The following DNAH11 variants were observed in gnomAD, a reference collection of about 807,000 sequenced individuals.
DNAH11 encodes the protein dynein axonemal heavy chain 11.
A neutral mutation model predicts 526.0 loss-of-function variants in DNAH11; 442 were observed. The observed-to-expected ratio is 0.84, with a 90% confidence interval of 0.78 to 0.91. The LOEUF is 0.91. Among genes scored for constraint, DNAH11 ranks in the 40% least tolerant of loss-of-function variants. DNAH11 has a pLI of 0.00. For missense variants in DNAH11, 6,989 were observed against 5,448.7 expected (o/e 1.28, Z -8.90); for synonymous variants, 2,461 against 1,935.9 (o/e 1.27, Z -7.12).
chr7:21,544,764 C>T lies in DNAH11; in HGVS notation c.352-242C>T, dbSNP rs73682613. Among the ~76,000 whole-genome samples the T allele has an allele frequency of 0.018, 2,707 of 151,994 alleles. 76 individuals carry two copies. The highest frequency in any genetic ancestry group is 0.06 in the African/African-American group (2,500 of 41,428). ...GTGTATAATGAACTGGTATAATTGG[C>T]ATGCCTTTAAAAGGTGATATTTCCA... is the stretch of plus-strand genomic sequence containing the variant. On this transcript the variant is annotated intron_variant, in intron 1 of 81. Transcript: ENST00000409508.
chr7:21,652,851 A>G (rs1056255498), intron 28 of DNAH11, among the ~76,000 whole-genome samples: 1 of 151,492 alleles, frequency 6.6e-6, no homozygotes, highest in Non-Finnish European at 1.5e-5. Flanking sequence ...GGGCCTACGA[A>G]GTATTAGTTT....
At chr7:21,846,611 A>G (rs908406356) in intron 66 of DNAH11, among the ~76,000 whole-genome samples, 5 of 152,040 alleles carry the variant, frequency 3.3e-5, no homozygotes, top group African/African-American at 1.2e-4. Flanking sequence ...TTGATTTGCT[A>G]ATTTTTTGAG....
At chr7:21,766,362 C>T (rs546590365) in intron 55 of DNAH11, among the ~76,000 whole-genome samples, 12 of 152,272 alleles carry the variant, frequency 7.9e-5, no homozygotes, top group African/African-American at 2.9e-4. Flanking sequence ...TGATTGTGGA[C>T]ATTTCCCAGG....
chr7:21,614,806 C>T (rs948772892), intron 20 of DNAH11, among the ~76,000 whole-genome samples: 7 of 152,108 alleles, frequency 4.6e-5, no homozygotes, highest in Non-Finnish European at 1.0e-4. Context: ...AATTCCCCAG[C>T]TCTCGGTACA....
At chr7:21,761,481 G>A (rs1052746537) in intron 54 of DNAH11, among the ~76,000 whole-genome samples, 9 of 152,252 alleles carry the variant, frequency 5.9e-5, no homozygotes, top group Non-Finnish European at 8.8e-5. Context: ...AAAAACATTA[G>A]AAAAGTCTAT....
At chr7:21,849,688 C>G (rs548488506) in intron 66 of DNAH11, among the ~76,000 whole-genome samples, 33 of 152,228 alleles carry the variant, frequency 2.2e-4, no homozygotes, top group African/African-American at 7.7e-4. Flanking sequence ...TAATTGTTAT[C>G]CTTGTTCCTT....
chr7:21,742,915 A>G (rs2128491159), intron 49 of DNAH11, among the ~76,000 whole-genome samples: 1 of 152,280 alleles, frequency 6.6e-6, no homozygotes, highest in South Asian at 2.1e-4. Context: ...TGATTAAGGC[A>G]CTGGCAGATT....
chr7:21,748,514 A>G, intron 51 of DNAH11, 66 bp from the exon 52 acceptor site: 4 of 1,315,704 alleles, frequency 3.0e-6, no homozygotes, highest in Non-Finnish European at 3.9e-6. Flanking sequence ...AATAAAAATA[A>G]ACAGAACAGA....
At position 21,711,977 on chromosome 7, in the gene DNAH11, T is replaced by C. The variant is rs1784480880; in HGVS notation, c.6983+117T>C. On this transcript the variant is annotated intron_variant, in intron 42 of 81. Transcript: ENST00000409508. ...TGCACAGCTGTCACCACCATCCATC[T>C]CTGGAAGGATTTTATCTTCCCAAAG... is the stretch of plus-strand genomic sequence containing the variant. 6 of 1,215,366 alleles carry C rather than the reference T, an allele frequency of 4.9e-6. No individual in the cohort carries two copies. In the South Asian group the frequency reaches 8.9e-5, roughly 18 times the overall value. The allele number at this position is 1,215,366 out of a possible 1,614,324, so 75.3% of individuals were successfully genotyped here.
chr7:21,730,218 A>C (rs996746974), intron 45 of DNAH11, among the ~76,000 whole-genome samples: 2 of 152,348 alleles, frequency 1.3e-5, no homozygotes, highest in East Asian at 1.9e-4. Flanking sequence ...CAAGATATGG[A>C]GTTAACCTAA....
At chr7:21,576,103 A>G (rs1784085835) in intron 8 of DNAH11, among the ~76,000 whole-genome samples, 1 of 152,090 alleles carries the variant, frequency 6.6e-6, no homozygotes, top group African/African-American at 2.4e-5. Context: ...ACTCCTCTAG[A>G]TCTTGTTGCT....
At chr7:21,810,114 G>C (rs1418695574) in intron 63 of DNAH11, among the ~76,000 whole-genome samples, 1 of 152,134 alleles carries the variant, frequency 6.6e-6, no homozygotes, top group Admixed American at 6.5e-5. Flanking sequence ...CAGACTTAAA[G>C]TGTAGCATTT....
At chr7:21,763,929 C>G (rs1327146364) in intron 54 of DNAH11, among the ~76,000 whole-genome samples, 3 of 151,566 alleles carry the variant, frequency 2.0e-5, no homozygotes, top group African/African-American at 7.3e-5. Flanking sequence ...GTGAAATAAG[C>G]CAGTCACAGA....
intron 21 of DNAH11, 148 bp downstream of exon 21, chr7:21,615,420 A>G (rs900820691): frequency 5.6e-5 from 45 of 798,344 alleles, no homozygotes; most frequent in Admixed American, 7.2e-5. Context: ...ATTAGAGTTC[A>G]TGTATCTCTG....
chr7:21,735,312 A>C (rs1785555531), intron 45 of DNAH11, among the ~76,000 whole-genome samples: 1 of 152,168 alleles, frequency 6.6e-6, no homozygotes, highest in Admixed American at 6.5e-5. Context: ...TGCTTACCCC[A>C]ATGTTGGGCA....
chr7:21,798,814 T>C (rs895747071), intron 61 of DNAH11, among the ~76,000 whole-genome samples: 2 of 152,214 alleles, frequency 1.3e-5, no homozygotes, highest in African/African-American at 2.4e-5. Context: ...TCATTAAAAT[T>C]AGGTTTGCAA....
In DNAH11 at chr7:21,610,432, C is replaced by T. The variant is rs190930993; in HGVS notation, c.3852+3699C>T. On this transcript the variant is annotated intron_variant, in intron 20 of 81. Coordinates refer to ENST00000409508, the MANE Select transcript of DNAH11 (RefSeq NM_001277115.2). ...ACTAGTAGAAGCAAACCTAAATCAT[C>T]TCTGGAAAAAAGCACTCTCATTCAG... 2.6e-5 allele frequency among the ~76,000 whole-genome samples: 4 copies of T among 152,186 alleles called. No homozygotes were observed. The East Asian group carries it at 7.7e-4, about 29-fold the overall frequency.
chr7:21,554,902 A>C (rs534608429), intron 2 of DNAH11, among the ~76,000 whole-genome samples: 36 of 152,274 alleles, frequency 2.4e-4, no homozygotes, highest in African/African-American at 8.4e-4. Context: ...AAATTTGGAT[A>C]AGGATTTAAA....
chr7:21,765,086 G>A (rs1278293962), intron 54 of DNAH11, among the ~76,000 whole-genome samples: 1 of 152,138 alleles, frequency 6.6e-6, no homozygotes, highest in Non-Finnish European at 1.5e-5. Context: ...ATTGTATCAT[G>A]GTGATTTCTT....
Sources: allele counts gnomAD v4.1 joint callset (sites outside exome capture counted in the v4.1 genomes callset), GRCh38; gene constraint gnomAD v4.1.1; transcripts MANE v1.5; gene names NCBI Gene and HGNC (gene_info 2026-07-23, HGNC 2026-07-21).